ULK1: variants seen among roughly 807,000 people sequenced by gnomAD.
ULK1 encodes unc-51 like autophagy activating kinase 1.
A neutral mutation model predicts 117.5 loss-of-function variants in ULK1; 48 were observed. The ratio of observed to expected loss-of-function variants is 0.41; its 90% CI spans 0.32 to 0.52. ULK1 has a LOEUF of 0.52. ULK1 is among the 20% of genes least tolerant of loss of function. The pLI, the probability that ULK1 is intolerant of heterozygous loss-of-function variation, is 0.29. For synonymous variants in ULK1, 790 were observed against 637.8 expected (o/e 1.24, Z -3.60); for missense variants, 1,387 against 1,473.4 (o/e 0.94, Z 0.96).
rs954617742 is a variant in ULK1 at position 131,922,822 on chromosome 12, C to T, written c.*1461C>T. On this transcript the variant is annotated 3_prime_UTR_variant, in exon 28 of 28. Transcript: ENST00000321867. ...CTTGGACTTAGAAGAAGAAAATCCCCGTGACTTCTTCCTCATCACCTTGAT... is the reference window on the plus strand; with the variant it reads ...CTTGGACTTAGAAGAAGAAAATCCCTGTGACTTCTTCCTCATCACCTTGAT... The T allele has an allele frequency of 2.0e-4, 31 of 152,520 alleles. No individual in the cohort carries two copies. The highest frequency in any genetic ancestry group is 6.5e-4 in the African/African-American group (27 of 41,468). The allele number at this position is 152,520 out of a possible 1,614,324, so 9.4% of individuals were successfully genotyped here.
chr12:131,915,559 T>A, intron 18 of ULK1, 138 bp downstream of exon 18: 1 of 1,107,910 alleles, frequency 9.0e-7, no homozygotes, highest in South Asian at 1.6e-5. Context: ...CAACTGCCTC[T>A]CCACCTCCTG....
rs754000410 is a variant in ULK1 at position 131,921,211 on chromosome 12, G to C, written c.3073G>C (p.Ala1025Pro). ...EGLQHMLSDQ[A>P]DIENVTKCKL... Reference sequence around the variant, plus strand: ...GCTGCAGCACATGCTCTCGGACCAGGCCGACATCGAGAACGTCACCAAGTG... The same window carrying C: ...GCTGCAGCACATGCTCTCGGACCAGCCCGACATCGAGAACGTCACCAAGTG... The change falls in exon 27 of 28, where the codon GCC (alanine) becomes CCC (proline). Residue 1025 changes from alanine to proline, a missense_variant. Around this residue, in one of 4 missense-constraint regions of ULK1, gnomAD observed 900 missense variants for 858.9 expected, o/e 1.05. Coordinates refer to ENST00000321867, the MANE Select transcript of ULK1 (RefSeq NM_003565.4). 3 of 1,606,866 alleles carry C rather than the reference G, an allele frequency of 1.9e-6. No individual in the cohort carries two copies. The South Asian group carries it at 3.3e-5, about 18-fold the overall frequency.
At position 131,914,436 on chromosome 12, in the gene ULK1, T is replaced by C; in HGVS notation, c.1332T>C (p.Ile444=). ...CGCAGGTGCAGAACTACCAGCGCAT[T>C]GAGCGAAACCTGCAGTCACCCACCC... ...VPTQVQNYQR[I]ERNLQSPTQF... is the part of the protein sequence containing the mutation. The change falls in exon 16 of 28, where the codon ATT becomes ATC. Residue 444 remains isoleucine, a synonymous_variant. Coordinates refer to ENST00000321867, the MANE Select transcript of ULK1 (RefSeq NM_003565.4). 1.2e-6 allele frequency: 2 copies of C among 1,612,772 alleles called. No individual in the cohort carries two copies. The highest frequency in any genetic ancestry group is 2.2e-5 in the South Asian group (2 of 91,088).
chr12:131,921,108 G>C lies in ULK1; in HGVS notation c.2970G>C (p.Ser990=). The C allele has an allele frequency of 1.3e-6, 2 of 1,595,352 alleles. No individual in the cohort carries two copies. The highest frequency in any genetic ancestry group is 1.7e-6 in the Non-Finnish European group (2 of 1,175,638). Residue 990 remains serine, a synonymous_variant, in exon 27 of 28, where the codon TCG becomes TCC. Transcript: ENST00000321867. ...TCTGTCCTCGCCCCCAGGTGCAGTC[G>C]GCTGCCCTGGACGAGATGTTCCAGC... ...IFSHAVQMVQ[S]AALDEMFQHR...
At chr12:131,917,105 G>GGGT (rs1411497795) in intron 21 of ULK1, 43 bp downstream of exon 21, 84 of 1,128,152 alleles carry the variant, frequency 7.4e-5, no homozygotes, top group South Asian at 3.1e-4. Context: ...GATGGGGGTC[G>GGGT]GAGGCTGTGG....
Position 131,920,831 on chromosome 12 carries a change from A to C in ULK1, c.2962-269A>C. 6.5e-6 allele frequency: 3 copies of C among 460,310 alleles called. No individual in the cohort carries two copies. The South Asian group carries it at 1.4e-4, about 21-fold the overall frequency. 28.5% of individuals were successfully genotyped at this position (460,310 alleles called of 1,614,324 possible). On this transcript the variant is annotated intron_variant, in intron 26 of 27. Transcript: ENST00000321867. ...CCGCCCAGGCAGGCCAGGCAGCAGCAGTAATGACACTGACTGAGCGGCGGG... is the reference window on the plus strand; with the variant it reads ...CCGCCCAGGCAGGCCAGGCAGCAGCCGTAATGACACTGACTGAGCGGCGGG...
intron 20 of ULK1, 40 bp from the exon 21 acceptor site, chr12:131,916,913 G>A: frequency 6.4e-7 from 1 of 1,555,366 alleles, no homozygotes; most frequent in South Asian, 1.2e-5. Flanking sequence ...TTAGGGTGGG[G>A]TGGGCCGGGC....
Position 131,895,738 on chromosome 12 carries a change from A to T in ULK1, c.204+45A>T, listed in dbSNP as rs768833934. The T allele has an allele frequency of 1.9e-6, 3 of 1,613,166 alleles. No individual in the cohort carries two copies. In the South Asian group the frequency reaches 3.3e-5, roughly 18 times the overall value. On this transcript the variant is annotated intron_variant, in intron 2 of 27. Coordinates refer to ENST00000321867, the MANE Select transcript of ULK1 (RefSeq NM_003565.4). ...GGGGGCGTGGGCGTGGGCGTGGGCAAGCCCCCCTCCCCACACTGATAACAA... is the reference window on the plus strand; with the variant it reads ...GGGGGCGTGGGCGTGGGCGTGGGCATGCCCCCCTCCCCACACTGATAACAA...
chr12:131,916,055 C>G lies in ULK1; in HGVS notation c.1774C>G (p.Pro592Ala), dbSNP rs141423835. The G allele has an allele frequency of 8.7e-5, 140 of 1,612,500 alleles. No individual in the cohort carries two copies. In the African/African-American group the frequency reaches 1.6e-3, roughly 18 times the overall value. The change falls in exon 19 of 28, where the codon CCG (proline) becomes GCG (alanine). Residue 592 changes from proline to alanine, a missense_variant. Pro to Ala is a conservative substitution (Grantham distance 27). Around this residue, in one of 4 missense-constraint regions of ULK1, gnomAD observed 900 missense variants for 858.9 expected, o/e 1.05. Transcript: ENST00000321867. Reference sequence around the variant, plus strand: ...CCCACCACAGGCCAGCCCTCCCCAGCCGTCCCACGGCCTGCAGTCCTGCCG... The same window carrying G: ...CCCACCACAGGCCAGCCCTCCCCAGGCGTCCCACGGCCTGCAGTCCTGCCG... ...FSPPQASPPQ[P>A]SHGLQSCRNL... is the part of the protein sequence containing the mutation.
At chr12:131,907,293 T>C (rs1042146064) in intron 4 of ULK1, among the ~76,000 whole-genome samples, 2 of 152,218 alleles carry the variant, frequency 1.3e-5, no homozygotes, top group African/African-American at 2.4e-5. Context: ...AGTGCTCGGA[T>C]TACAGGCGTG....
chr12:131,919,154 A>G, intron 23 of ULK1, 58 bp from the exon 24 acceptor site: 1 of 1,530,602 alleles, frequency 6.5e-7, no homozygotes, highest in Non-Finnish European at 8.7e-7. Context: ...GTCTGAAGGG[A>G]GACAAGCCCC....
chr12:131,918,760 A>ATAGGGGGTGTGGGGTG (rs1889983858), intron 23 of ULK1, 79 bp downstream of exon 23: 3 of 536,990 alleles, frequency 5.6e-6, no homozygotes, highest in East Asian at 5.8e-5. Flanking sequence ...TGTGTGGGGT[A>ATAGGGGGTGTGGGGTG]TAGGGTGTGT....
chr12:131,919,619 G>A, intron 25 of ULK1, 29 bp downstream of exon 25: 1 of 1,602,754 alleles, frequency 6.2e-7, no homozygotes, highest in East Asian at 2.2e-5. Flanking sequence ...CAGCCCACAT[G>A]CCGGGTTGGG....
At chr12:131,916,293 T>A in intron 19 of ULK1, 105 bp from the exon 20 acceptor site, 1 of 1,510,222 alleles carries the variant, frequency 6.6e-7, no homozygotes, top group Non-Finnish European at 8.9e-7. Context: ...CTCAGGCTGC[T>A]CCCACATGCC....
At chr12:131,904,775 G>C (rs1309397176) in intron 3 of ULK1, among the ~76,000 whole-genome samples, 1 of 152,128 alleles carries the variant, frequency 6.6e-6, no homozygotes, top group Non-Finnish European at 1.5e-5. Flanking sequence ...AGAAATGTGG[G>C]CACCTATGGG....
intron 19 of ULK1, 114 bp from the exon 20 acceptor site, chr12:131,916,284 T>C: frequency 6.6e-7 from 1 of 1,506,464 alleles, no homozygotes; most frequent in Middle Eastern, 1.8e-4. Flanking sequence ...GGGCTCATGC[T>C]CAGGCTGCTC....
chr12:131,900,330 T>C (rs978978206), intron 3 of ULK1, among the ~76,000 whole-genome samples: 9 of 152,248 alleles, frequency 5.9e-5, no homozygotes, highest in African/African-American at 2.2e-4. Flanking sequence ...ATTTTTGTTC[T>C]TATTGTGTTG....
chr12:131,911,404 G>A (rs1889529171), intron 12 of ULK1, among the ~76,000 whole-genome samples: 2 of 152,212 alleles, frequency 1.3e-5, no homozygotes, highest in South Asian at 2.1e-4. Flanking sequence ...CAGATGTGGC[G>A]AGGGGAGCGT....
intron 25 of ULK1, 193 bp from the exon 26 acceptor site, chr12:131,919,786 G>C: frequency 2.9e-6 from 3 of 1,034,600 alleles, no homozygotes; most frequent in Non-Finnish European, 4.2e-6. Flanking sequence ...AGTATGCAGA[G>C]CACAGAGGCC....
Sources: allele counts gnomAD v4.1 joint callset (sites outside exome capture counted in the v4.1 genomes callset), GRCh38; gene constraint gnomAD v4.1.1; regional missense constraint gnomAD v4.1.1; transcripts MANE v1.5; gene names NCBI Gene and HGNC (gene_info 2026-07-23, HGNC 2026-07-21).